ZNF804B: variants seen among roughly 807,000 people sequenced by gnomAD.
ZNF804B encodes zinc finger 804B.
ZNF804B carries 80 observed loss-of-function variants against 101.4 expected under a neutral mutation model. The observed-to-expected ratio is 0.79, with a 90% CI of 0.66 to 0.95. The LOEUF is 0.95. ZNF804B is among the 40% of genes least tolerant of loss of function. The pLI is 0.00. For synonymous variants in ZNF804B, 622 were observed against 558.8 expected, an observed-to-expected ratio of 1.11 and a Z score of -1.59; for missense variants, 1,673 against 1,561.9, an observed-to-expected ratio of 1.07 and a Z score of -1.20.
chr7:89,151,988 A>G (rs1361415396), intron 1 of ZNF804B, among the ~76,000 whole-genome samples: 2 of 152,018 alleles, frequency 1.3e-5, no homozygotes, highest in Non-Finnish European at 2.9e-5. Context: ...AATTTTTATA[A>G]TCTTTTGTTC....
chr7:89,200,713 A>C (rs1023324483), intron 1 of ZNF804B, among the ~76,000 whole-genome samples: 1 of 152,050 alleles, frequency 6.6e-6, no homozygotes, highest in Non-Finnish European at 1.5e-5. Flanking sequence ...TGAGGAAATC[A>C]TTTATGGTTT....
chr7:89,054,145 T>G (rs972190004), intron 1 of ZNF804B, among the ~76,000 whole-genome samples: 4 of 151,958 alleles, frequency 2.6e-5, no homozygotes, highest in African/African-American at 9.7e-5. Context: ...AGGTAGAAGT[T>G]CATAAGTAGT....
At chr7:89,127,380 G>A (rs758017827) in intron 1 of ZNF804B, among the ~76,000 whole-genome samples, 7 of 151,332 alleles carry the variant, frequency 4.6e-5, no homozygotes, top group African/African-American at 9.7e-5. Flanking sequence ...TTTTTTGAAC[G>A]TTATTGTGTT....
chr7:88,957,694 T>A lies in ZNF804B; in HGVS notation c.108+197610T>A, dbSNP rs1793330159. Among the ~76,000 whole-genome samples, 5 of 151,300 alleles carry A rather than the reference T, an allele frequency of 3.3e-5. No homozygotes were observed. The Admixed American group carries it at 3.3e-4, about 10-fold the overall frequency. ...GAGATTTTGAGAAAAAAAGTATTAT[T>A]TTGAACTGAAATTTTCCTTAATATG... On this transcript the variant is annotated intron_variant, in intron 1 of 3. Transcript: ENST00000333190.
At chr7:89,320,038 G>A (rs1284378873) in intron 2 of ZNF804B, among the ~76,000 whole-genome samples, 1 of 145,412 alleles carries the variant, frequency 6.9e-6, no homozygotes, top group Non-Finnish European at 1.5e-5. Context: ...AATACAACTA[G>A]ATTCAGAAAT....
chr7:88,826,699 A>T (rs1359784159), intron 1 of ZNF804B, among the ~76,000 whole-genome samples: 1 of 152,112 alleles, frequency 6.6e-6, no homozygotes, highest in Admixed American at 6.6e-5. Flanking sequence ...ATAAGTTCAT[A>T]GTGTAGAAAG....
intron 1 of ZNF804B, among the ~76,000 whole-genome samples, chr7:88,773,680 G>A (rs781601148): frequency 6.6e-6 from 1 of 152,106 alleles, no homozygotes; most frequent in South Asian, 2.1e-4. Context: ...GGTTCTGCAG[G>A]CTTTACAGGT....
rs142140447 is a variant in ZNF804B, at chr7:89,267,449, T to C, written c.249+49154T>C. ...AGCAATAATTAGTTTTAAACATGAC[T>C]GCATCCATGGGCTCAGATGATAACA... On this transcript the variant is annotated intron_variant, in intron 2 of 3. Transcript: ENST00000333190. Among the ~76,000 whole-genome samples the C allele has an allele frequency of 5.1e-3, 772 of 152,312 alleles. 4 individuals carry two copies. The highest frequency in any genetic ancestry group is 7.8e-3 in the Non-Finnish European group (530 of 68,012).
rs1045562216 is a variant in ZNF804B at position 88,831,942 on chromosome 7, T to C, written c.108+71858T>C. Among the ~76,000 whole-genome samples the C allele has an allele frequency of 5.3e-5, 8 of 152,080 alleles. No individual in the cohort carries two copies. The East Asian group carries it at 9.6e-4, about 18-fold the overall frequency. Reference sequence around the variant, plus strand: ...AGATGTGAAAACATTTTTATAAATATATTAATCTTTTGTGTTTTAATCTTG... The same window carrying C: ...AGATGTGAAAACATTTTTATAAATACATTAATCTTTTGTGTTTTAATCTTG... On this transcript the variant is annotated intron_variant, in intron 1 of 3. Transcript: ENST00000333190.
At chr7:89,197,230 T>A (rs1351534377) in intron 1 of ZNF804B, among the ~76,000 whole-genome samples, 1 of 151,700 alleles carries the variant, frequency 6.6e-6, no homozygotes, top group Non-Finnish European at 1.5e-5. Flanking sequence ...AGAAAAAAAA[T>A]TATCTTTATA....
rs1791035489 is a variant in ZNF804B at position 89,334,224 on chromosome 7, A to C, written c.1242A>C (p.Leu414Phe). The C allele has an allele frequency of 4.3e-6, 7 of 1,613,440 alleles. No individual in the cohort carries two copies. The highest frequency in any genetic ancestry group is 1.7e-5 in the Admixed American group (1 of 59,860). ...GAATAGAGAACAGAGAAAAATCTTT[A>C]GATAAAACAGAAAGAGTTAGCAAAA... is the stretch of plus-strand genomic sequence containing the variant. ...NSRIENREKS[L>F]DKTERVSKNV... The change falls in exon 4 of 4, where the codon TTA (leucine) becomes TTC (phenylalanine). Residue 414 changes from leucine to phenylalanine, a missense_variant. Leu to Phe is a conservative substitution (Grantham distance 22). Transcript: ENST00000333190.
At chr7:88,833,252 T>C (rs779376114) in intron 1 of ZNF804B, among the ~76,000 whole-genome samples, 14 of 151,902 alleles carry the variant, frequency 9.2e-5, no homozygotes, top group Non-Finnish European at 1.9e-4. Flanking sequence ...TCTAACTAGT[T>C]ATCTCCCCTT....
intron 1 of ZNF804B, among the ~76,000 whole-genome samples, chr7:89,173,098 A>G (rs1002670118): frequency 2.4e-4 from 36 of 152,084 alleles, no homozygotes; most frequent in African/African-American, 8.7e-4. Context: ...GTTTCACATT[A>G]TTTAACAAAG....
intron 2 of ZNF804B, among the ~76,000 whole-genome samples, chr7:89,305,894 T>A (rs554882640): frequency 6.6e-6 from 1 of 152,144 alleles, no homozygotes. Flanking sequence ...CCATTTTTAT[T>A]CTGATACTTT....
chr7:88,972,827 T>A (rs144315196), intron 1 of ZNF804B, among the ~76,000 whole-genome samples: 1 of 151,340 alleles, frequency 6.6e-6, no homozygotes, highest in East Asian at 2.0e-4. Context: ...AAATAGAAGA[T>A]GTGTTTGGAA....
At chr7:88,966,740 G>T (rs10249495) in intron 1 of ZNF804B, among the ~76,000 whole-genome samples, 87,865 of 151,032 alleles carry the variant, frequency 0.58, 25,821 homozygotes, top group East Asian at 0.64. Flanking sequence ...ATAATAAAAG[G>T]CATCTAGACA....
In ZNF804B at chr7:88,870,733, G is replaced by A. The variant is rs1043081226; in HGVS notation, c.108+110649G>A. 3.4e-4 allele frequency among the ~76,000 whole-genome samples: 51 copies of A among 152,062 alleles called. 1 individual carries two copies. Among genetic ancestry groups the A allele is most frequent in the African/African-American group, 1.2e-3 (50 of 41,386 alleles). ...CCTGACATATTTTTTAAAAATGCAA[G>A]TGCTTGAGTCATTTTTATGACCCCT... On this transcript the variant is annotated intron_variant, in intron 1 of 3. Transcript: ENST00000333190.
At chr7:88,890,849 T>G (rs184946665) in intron 1 of ZNF804B, among the ~76,000 whole-genome samples, 39 of 152,262 alleles carry the variant, frequency 2.6e-4, no homozygotes, top group African/African-American at 9.1e-4. Context: ...TCATAACACA[T>G]TTATAGTATT....
rs539598838 is a variant in ZNF804B, at chr7:89,337,075, A to G, written c.*43A>G. 1 of 1,539,646 alleles carries G rather than the reference A, an allele frequency of 6.5e-7. No homozygotes were observed. The highest frequency in any genetic ancestry group is 1.4e-5 in the African/African-American group (1 of 72,412). ...CCTGTGGATAATTTTTTTAATTGTC[A>G]CTACCTATAAAATCATACATTTAAA... is the stretch of plus-strand genomic sequence containing the variant. On this transcript the variant is annotated 3_prime_UTR_variant, in exon 4 of 4. Coordinates refer to ENST00000333190, the MANE Select transcript of ZNF804B (RefSeq NM_181646.5).
Sources: allele counts gnomAD v4.1 joint callset (sites outside exome capture counted in the v4.1 genomes callset), GRCh38; gene constraint gnomAD v4.1.1; transcripts MANE v1.5; gene names NCBI Gene and HGNC (gene_info 2026-07-23, HGNC 2026-07-21).